The following ROR1 variants were observed in gnomAD, a reference collection of about 807,000 sequenced individuals.
The protein encoded by ROR1 is inactive tyrosine-protein kinase transmembrane receptor ROR1.
Under a neutral mutation model 78.8 loss-of-function variants are expected in ROR1, and 19 were observed. That is an observed-to-expected ratio of 0.24 (90% CI 0.17 to 0.35). ROR1 has a LOEUF of 0.35. ROR1 is among the 10% of genes least tolerant of loss of function. The pLI is 1.00. For missense variants in ROR1, 917 were observed against 1,177.8 expected, an observed-to-expected ratio of 0.78 and a Z score of 3.24; for synonymous variants, 386 against 433.6, an observed-to-expected ratio of 0.89 and a Z score of 1.36.
chr1:64,163,164 G>A (rs757649614), intron 8 of ROR1, among the ~76,000 whole-genome samples: 4 of 151,418 alleles, frequency 2.6e-5, no homozygotes, highest in African/African-American at 4.9e-5. Flanking sequence ...TGGACAGATC[G>A]CTTGAGCCCA....
chr1:63,844,177 T>G (rs1206376900), intron 1 of ROR1, among the ~76,000 whole-genome samples: 1 of 152,232 alleles, frequency 6.6e-6, no homozygotes, highest in Non-Finnish European at 1.5e-5. Context: ...CACACATGGT[T>G]AGCCCTCAGT....
chr1:63,914,959 C>T (rs1226291119), intron 1 of ROR1, among the ~76,000 whole-genome samples: 1 of 152,118 alleles, frequency 6.6e-6, no homozygotes, highest in Non-Finnish European at 1.5e-5. Context: ...TCATACAAGA[C>T]AATATGTGTG....
intron 1 of ROR1, among the ~76,000 whole-genome samples, chr1:63,888,457 CA>C (rs939767712): frequency 1.3e-5 from 2 of 151,706 alleles, no homozygotes; most frequent in Admixed American, 6.6e-5. Context: ...CCCATCTTTA[CA>C]AAAAAAACTT....
chr1:63,852,640 A>G (rs1172633656), intron 1 of ROR1, among the ~76,000 whole-genome samples: 1 of 152,238 alleles, frequency 6.6e-6, no homozygotes, highest in Non-Finnish European at 1.5e-5. Context: ...GTAGACACTC[A>G]CTAATGCAAA....
At chr1:64,141,645 T>G (rs10489902) in intron 6 of ROR1, among the ~76,000 whole-genome samples, 23,664 of 152,200 alleles carry the variant, frequency 0.16, 2,095 homozygotes, top group Non-Finnish European at 0.2. Flanking sequence ...ACTATTTCAG[T>G]GTACATTTCC....
At chr1:63,811,675 T>G (rs568346106) in intron 1 of ROR1, among the ~76,000 whole-genome samples, 21 of 152,294 alleles carry the variant, frequency 1.4e-4, no homozygotes, top group Admixed American at 1.4e-3. Flanking sequence ...AGTTCCCTGG[T>G]GAACATAGAA....
intron 8 of ROR1, among the ~76,000 whole-genome samples, chr1:64,165,693 G>A (rs949717680): frequency 6.9e-6 from 1 of 145,886 alleles, no homozygotes; most frequent in Non-Finnish European, 1.5e-5. Flanking sequence ...TTATAATTTC[G>A]GGTTTTACTT....
chr1:64,001,225 AG>A (rs1035512304), intron 1 of ROR1, among the ~76,000 whole-genome samples: 2 of 152,252 alleles, frequency 1.3e-5, no homozygotes, highest in Non-Finnish European at 2.9e-5. Context: ...GCTGAGTAAA[AG>A]AAGCCAGTTT....
intron 1 of ROR1, among the ~76,000 whole-genome samples, chr1:63,937,114 A>T (rs1645799866): frequency 6.6e-6 from 1 of 152,200 alleles, no homozygotes; most frequent in Non-Finnish European, 1.5e-5. Flanking sequence ...CCAAGATGTT[A>T]TTAATTTTCG....
At chr1:63,784,513 G>A (rs1225137221) in intron 1 of ROR1, among the ~76,000 whole-genome samples, 1 of 152,216 alleles carries the variant, frequency 6.6e-6, no homozygotes, top group Non-Finnish European at 1.5e-5. Flanking sequence ...CCTGGCTCTG[G>A]GATTTCTGTA....
intron 1 of ROR1, among the ~76,000 whole-genome samples, chr1:63,790,182 T>C (rs1378883607): frequency 6.6e-6 from 1 of 152,252 alleles, no homozygotes; most frequent in East Asian, 1.9e-4. Context: ...GGATCTTCTC[T>C]ATCACTGGGT....
chr1:63,930,866 G>T (rs1448807859), intron 1 of ROR1, among the ~76,000 whole-genome samples: 1 of 152,116 alleles, frequency 6.6e-6, no homozygotes, highest in Non-Finnish European at 1.5e-5. Context: ...ACTATGGCAG[G>T]GATGTAGGTC....
intron 4 of ROR1, among the ~76,000 whole-genome samples, chr1:64,092,488 A>G (rs1569730455): frequency 6.6e-6 from 1 of 151,958 alleles, no homozygotes; most frequent in East Asian, 1.9e-4. Context: ...GGAGCCCTCA[A>G]AGATTCATGG....
intron 1 of ROR1, among the ~76,000 whole-genome samples, chr1:63,944,489 T>C (rs913180138): frequency 1.1e-4 from 16 of 152,236 alleles, no homozygotes; most frequent in Non-Finnish European, 2.2e-4. Context: ...ATTTTGTTCC[T>C]TGGAGACAGG....
chr1:63,789,235 A>G (rs915499163), intron 1 of ROR1: 2 of 589,934 alleles, frequency 3.4e-6, no homozygotes, highest in East Asian at 4.0e-5. Context: ...TTGGGGTCCA[A>G]CCAGACCTTC....
intron 1 of ROR1, among the ~76,000 whole-genome samples, chr1:63,825,570 A>T (rs1644948111): frequency 6.6e-6 from 1 of 152,222 alleles, no homozygotes; most frequent in Non-Finnish European, 1.5e-5. Flanking sequence ...TTTGGGGATG[A>T]CGGAAATGTT....
chr1:64,118,036 A>C (rs1206298303), intron 4 of ROR1, among the ~76,000 whole-genome samples: 2 of 152,146 alleles, frequency 1.3e-5, no homozygotes, highest in Non-Finnish European at 2.9e-5. Context: ...CCTTTTCTCT[A>C]CAGAAAAAAC....
intron 8 of ROR1, among the ~76,000 whole-genome samples, chr1:64,169,548 G>T (rs1209894263): frequency 6.6e-6 from 1 of 152,100 alleles, no homozygotes; most frequent in Non-Finnish European, 1.5e-5. Context: ...GATGAGATTT[G>T]GGTGGGGACA....
intron 1 of ROR1, among the ~76,000 whole-genome samples, chr1:63,785,057 G>A (rs957540386): frequency 2.0e-5 from 3 of 152,200 alleles, no homozygotes; most frequent in African/African-American, 7.2e-5. Context: ...AATAGAACAT[G>A]CTGCCTGAAA....
Sources: gnomAD v4.1 joint callset for allele counts (sites outside exome capture counted in the v4.1 genomes callset) on GRCh38, gnomAD v4.1.1 for gene constraint, MANE v1.5 for transcripts, NCBI Gene and HGNC (gene_info 2026-07-23, HGNC 2026-07-21) for gene names.